Variants in PKP4 observed in about 807,000 individuals in gnomAD.
The protein encoded by PKP4 is plakophilin 4.
Under a neutral mutation model 145.1 loss-of-function variants are expected in PKP4, and 90 were observed. That is an observed-to-expected ratio of 0.62 (90% CI 0.52 to 0.74). The LOEUF is 0.74. Ranked by LOEUF, PKP4 falls within the 30% of genes least tolerant of loss-of-function variation. PKP4 has a pLI of 0.00. For synonymous variants in PKP4, 563 were observed against 577.2 expected (o/e 0.98, Z 0.35); for missense variants, 1,340 against 1,482.7 (o/e 0.90, Z 1.58).
At chr2:158,653,211 C>A (rs2055564964) in intron 11 of PKP4, among the ~76,000 whole-genome samples, 1 of 151,130 alleles carries the variant, frequency 6.6e-6, no homozygotes, top group Non-Finnish European at 1.5e-5. Context: ...CCATGCATAT[C>A]TGCCACCAGA....
At chr2:158,583,456 A>T (rs910000142) in intron 3 of PKP4, among the ~76,000 whole-genome samples, 1 of 152,248 alleles carries the variant, frequency 6.6e-6, no homozygotes, top group African/African-American at 2.4e-5. Context: ...TGTAAAGGTC[A>T]GGAAAGTATA....
chr2:158,678,637 C>T lies in PKP4; in HGVS notation c.3313C>T (p.Gln1105Ter). The change falls in exon 21 of 22, where the codon CAA (glutamine) becomes TAA (stop). Residue 1105 changes from glutamine to a stop codon, truncating the protein, a stop_gained. Coordinates refer to ENST00000389759, the MANE Select transcript of PKP4 (RefSeq NM_003628.6). LOFTEE classifies it high-confidence loss of function. ...TTCCTATTCCTCACCAGCAAGAGAA[C>T]AAAATAGACGGCTACAGGTGAATTT... ...ISSYSSPARE[Q>*]NRRLQHQQLY... The T allele has an allele frequency of 6.2e-7, 1 of 1,600,902 alleles. No individual in the cohort carries two copies. Among genetic ancestry groups the T allele is most frequent in the Non-Finnish European group, 8.6e-7 (1 of 1,167,972 alleles).
intron 11 of PKP4, among the ~76,000 whole-genome samples, chr2:158,655,745 A>G (rs113604554): frequency 0.012 from 1,786 of 152,326 alleles, 40 homozygotes; most frequent in African/African-American, 0.04. Context: ...ATGTTATGAA[A>G]CTGTCAGCAG....
chr2:158,462,544 T>G (rs1689930129), intron 1 of PKP4, among the ~76,000 whole-genome samples: 1 of 152,222 alleles, frequency 6.6e-6, no homozygotes, highest in Admixed American at 6.5e-5. Flanking sequence ...AATATCATTT[T>G]GGGAAGTGAG....
intron 2 of PKP4, among the ~76,000 whole-genome samples, chr2:158,565,435 C>CTTTTTTTTTTTT (rs10690465): frequency 5.2e-5 from 7 of 135,750 alleles, no homozygotes; most frequent in Admixed American, 7.6e-5. Context: ...TTCTTTTTTC[C>CTTTTTTTTTTTT]TTTTTTTTTT....
At chr2:158,519,331 A>T (rs929724595) in intron 1 of PKP4, among the ~76,000 whole-genome samples, 3 of 152,080 alleles carry the variant, frequency 2.0e-5, no homozygotes, top group African/African-American at 7.2e-5. Flanking sequence ...AACACTAAGG[A>T]TATTAGTTCT....
intron 2 of PKP4, 110 bp from the exon 3 acceptor site, chr2:158,577,161 T>C (rs960390249): frequency 6.5e-6 from 4 of 617,804 alleles, no homozygotes; most frequent in Non-Finnish European, 8.4e-6. Flanking sequence ...ACACCATAGC[T>C]TTATGTTATG....
chr2:158,634,777 A>C (rs923769130), intron 9 of PKP4, among the ~76,000 whole-genome samples: 1 of 152,224 alleles, frequency 6.6e-6, no homozygotes, highest in African/African-American at 2.4e-5. Flanking sequence ...TTTGAAAACA[A>C]TTTGTGACAT....
At chr2:158,482,841 G>T (rs11891151) in intron 1 of PKP4, among the ~76,000 whole-genome samples, 4,883 of 151,114 alleles carry the variant, frequency 0.032, 175 homozygotes, top group East Asian at 0.14. Context: ...AAAAAAAAAA[G>T]AGGGGGGAAG....
At chr2:158,592,231 G>T (rs1298490561) in intron 3 of PKP4, among the ~76,000 whole-genome samples, 5 of 152,022 alleles carry the variant, frequency 3.3e-5, no homozygotes, top group Admixed American at 3.3e-4. Context: ...GGGGATATGG[G>T]ATGAATTAGG....
At chr2:158,675,703 T>A (rs1057493484) in intron 19 of PKP4, among the ~76,000 whole-genome samples, 1 of 152,210 alleles carries the variant, frequency 6.6e-6, no homozygotes, top group Non-Finnish European at 1.5e-5. Context: ...GTCCTACTAC[T>A]TTCTGGAAAG....
Position 158,634,192 on chromosome 2 carries a change from G to A in PKP4, c.1465G>A (p.Val489Met). ...AEPYRPIQYRVQECNYNRLQH... is the reference protein window; with the variant it reads ...AEPYRPIQYRMQECNYNRLQH... ...GCCCTACAGGCCTATACAATACCGA[G>A]TGCAAGAGTGCAATTATAACAGGCT... is the stretch of plus-strand genomic sequence containing the variant. The change falls in exon 9 of 22, where the codon GTG (valine) becomes ATG (methionine). Residue 489 changes from valine (V) to methionine (M), a missense_variant. By Grantham distance (21) the Val-to-Met change is conservative. Transcript: ENST00000389759. The A allele has an allele frequency of 3.7e-6, 6 of 1,614,098 alleles. No homozygotes were observed. The highest frequency in any genetic ancestry group is 4.2e-6 in the Non-Finnish European group (5 of 1,179,972).
chr2:158,492,914 C>T (rs1319595270), intron 1 of PKP4, among the ~76,000 whole-genome samples: 1 of 152,092 alleles, frequency 6.6e-6, no homozygotes, highest in Admixed American at 6.5e-5. Flanking sequence ...TAGGCATAGT[C>T]TTTATACATA....
At chr2:158,617,382 A>T (rs1463252200) in intron 4 of PKP4, among the ~76,000 whole-genome samples, 1 of 152,116 alleles carries the variant, frequency 6.6e-6, no homozygotes, top group Non-Finnish European at 1.5e-5. Flanking sequence ...AGTAACATTC[A>T]CATGCTGTTT....
At chr2:158,630,926 TTTTG>T (rs145862519) in intron 7 of PKP4, among the ~76,000 whole-genome samples, 71 of 151,232 alleles carry the variant, frequency 4.7e-4, no homozygotes, top group Non-Finnish European at 5.8e-4. Context: ...GAGAAAGTGT[TTTTG>T]TTTGTTTGTT....
In PKP4 at chr2:158,628,073, C is replaced by T. The variant is rs1310438671; in HGVS notation, c.1153+2646C>T. 5.9e-5 allele frequency among the ~76,000 whole-genome samples: 9 copies of T among 151,926 alleles called. No individual in the cohort carries two copies. In the East Asian group the frequency reaches 1.5e-3, roughly 26 times the overall value. ...TCGGCTCACTGCAACTTCCGCCTCC[C>T]GGGTTCAAGCGATTCTTCTGCCTCA... is the stretch of plus-strand genomic sequence containing the variant. On this transcript the variant is annotated intron_variant, in intron 7 of 21. Transcript: ENST00000389759.
chr2:158,616,310 C>G (rs2051614007), intron 4 of PKP4, among the ~76,000 whole-genome samples: 1 of 152,178 alleles, frequency 6.6e-6, no homozygotes. Flanking sequence ...GGTGCCACCA[C>G]CTATGTTCTC....
At chr2:158,555,643 G>A (rs565766303) in intron 2 of PKP4, among the ~76,000 whole-genome samples, 1 of 152,334 alleles carries the variant, frequency 6.6e-6, no homozygotes, top group South Asian at 2.1e-4. Flanking sequence ...GAAGATGGAT[G>A]GTAATAGTAC....
chr2:158,606,411 A>C (rs2050663259), intron 4 of PKP4, among the ~76,000 whole-genome samples: 1 of 151,938 alleles, frequency 6.6e-6, no homozygotes, highest in Non-Finnish European at 1.5e-5. Context: ...TATCCTTTTT[A>C]TTATAGCCGT....
Sources: gnomAD v4.1 joint callset for allele counts (sites outside exome capture counted in the v4.1 genomes callset) on GRCh38, gnomAD v4.1.1 for gene constraint, MANE v1.5 for transcripts, NCBI Gene and HGNC (gene_info 2026-07-23, HGNC 2026-07-21) for gene names.